BLK: variants seen among roughly 807,000 people sequenced by gnomAD.
BLK encodes BLK proto-oncogene, Src family tyrosine kinase.
A neutral mutation model predicts 61.8 loss-of-function variants in BLK; 64 were observed. The ratio of observed to expected loss-of-function variants is 1.03; its 90% CI spans 0.85 to 1.27. The LOEUF (loss-of-function observed/expected upper bound fraction) is 1.27, where lower values mean the gene tolerates loss of function less well. BLK is among the 50% of genes most tolerant of loss of function. The pLI is 0.00. For missense variants in BLK, 853 were observed against 660.5 expected (o/e 1.29, Z -3.19); for synonymous variants, 351 against 272.0 (o/e 1.29, Z -2.86).
chr8:11,536,895 C>A (rs528987932), intron 1 of BLK, among the ~76,000 whole-genome samples: 27 of 152,344 alleles, frequency 1.8e-4, no homozygotes, highest in Admixed American at 7.2e-4. Context: ...CCACTCTGAA[C>A]TGATGGAATC....
At chr8:11,543,528 A>G (rs753294161) in intron 2 of BLK, among the ~76,000 whole-genome samples, 181 bp downstream of exon 2, 9 of 152,224 alleles carry the variant, frequency 5.9e-5, no homozygotes, top group African/African-American at 1.7e-4. Context: ...TTAGCTCCCA[A>G]TAATTCTTAG....
At chr8:11,529,615 G>A (rs939955373) in intron 1 of BLK, among the ~76,000 whole-genome samples, 1 of 152,094 alleles carries the variant, frequency 6.6e-6, no homozygotes, top group Non-Finnish European at 1.5e-5. Flanking sequence ...CTAATCCTGT[G>A]GCTAATTTGT....
intron 9 of BLK, among the ~76,000 whole-genome samples, chr8:11,557,664 G>C (rs1801297643): frequency 6.6e-6 from 1 of 152,188 alleles, no homozygotes; most frequent in Admixed American, 6.5e-5. Context: ...GTCAGAACTG[G>C]GGTCCCACTC....
intron 4 of BLK, 54 bp from the exon 5 acceptor site, chr8:11,548,970 G>C (rs1219306158): frequency 2.0e-6 from 3 of 1,491,878 alleles, no homozygotes; most frequent in Non-Finnish European, 1.8e-6. Flanking sequence ...GAGCTGCCCA[G>C]TGACGGGCCT....
chr8:11,516,348 A>T (rs1799224562), intron 1 of BLK, among the ~76,000 whole-genome samples: 1 of 152,020 alleles, frequency 6.6e-6, no homozygotes, highest in African/African-American at 2.4e-5. Flanking sequence ...TGGAGACTTC[A>T]CAGACCCCGA....
Position 11,563,919 on chromosome 8 carries a change from G to C in BLK, c.1329G>C (p.Glu443Asp), listed in dbSNP as rs1323310464. The C allele has an allele frequency of 1.2e-6, 2 of 1,609,018 alleles. No individual in the cohort carries two copies. The highest frequency in any genetic ancestry group is 2.2e-5 in the East Asian group (1 of 44,856). ...CTGCCGCAGGGATGAGCAACCCCGA[G>C]GTCATCCGCAACCTGGAGCGCGGCT... Reference protein sequence around the residue: ...RVPYPGMSNPEVIRNLERGYR... With the variant: ...RVPYPGMSNPDVIRNLERGYR... The change falls in exon 13 of 13, where the codon GAG becomes GAC. Residue 443 changes from glutamate (E) to aspartate (D), a missense_variant. Coordinates refer to ENST00000259089, the MANE Select transcript of BLK (RefSeq NM_001715.3).
At chr8:11,525,655 A>T (rs1477854365) in intron 1 of BLK, among the ~76,000 whole-genome samples, 2 of 152,194 alleles carry the variant, frequency 1.3e-5, no homozygotes, top group African/African-American at 2.4e-5. Flanking sequence ...ACAGTCAGAA[A>T]AGGTATAAAC....
intron 2 of BLK, 61 bp from the exon 3 acceptor site, chr8:11,545,991 C>T: frequency 1.9e-6 from 3 of 1,575,130 alleles, no homozygotes; most frequent in South Asian, 1.1e-5. Flanking sequence ...CAGTCTCAAC[C>T]CCCAGGCCCC....
intron 1 of BLK, among the ~76,000 whole-genome samples, chr8:11,535,248 GGAAA>G (rs1365989218): frequency 5.3e-5 from 5 of 94,142 alleles, no homozygotes; most frequent in East Asian, 5.6e-4. Flanking sequence ...AAGAAGGAAA[GGAAA>G]GAAAGAAAGA....
chr8:11,563,311 T>C (rs1397873200), intron 12 of BLK, among the ~76,000 whole-genome samples: 1 of 152,208 alleles, frequency 6.6e-6, no homozygotes, highest in Admixed American at 6.5e-5. Flanking sequence ...CTGTGTCTCC[T>C]TCCTCCAGCA....
chr8:11,504,417 A>AAAGAAAAGAAAAGAAAAGAAAAG (rs1563420851), intron 1 of BLK, among the ~76,000 whole-genome samples: 1 of 139,698 alleles, frequency 7.2e-6, no homozygotes, highest in African/African-American at 2.7e-5. Context: ...AAAAGAAAAA[A>AAAGAAAAGAAAAGAAAAGAAAAG]AAAAGAAAAG....
intron 1 of BLK, chr8:11,509,155 A>C (rs1004512562): frequency 4.0e-5 from 6 of 150,380 alleles, no homozygotes; most frequent in African/African-American, 1.5e-4. Flanking sequence ...TTTAGGTTAC[A>C]CCGCACGAAA....
intron 1 of BLK, among the ~76,000 whole-genome samples, chr8:11,532,669 A>T (rs1339835445): frequency 6.6e-6 from 1 of 152,178 alleles, no homozygotes; most frequent in Non-Finnish European, 1.5e-5. Context: ...TTAAGGCACT[A>T]GTCTACTAAT....
chr8:11,530,533 C>T (rs1303450528), intron 1 of BLK, among the ~76,000 whole-genome samples: 2 of 152,220 alleles, frequency 1.3e-5, no homozygotes, highest in Admixed American at 1.3e-4. Context: ...TCTTATTGAA[C>T]TTACTCAAGT....
intron 1 of BLK, among the ~76,000 whole-genome samples, chr8:11,524,460 C>T (rs747504440): frequency 2.6e-5 from 4 of 152,104 alleles, no homozygotes; most frequent in Non-Finnish European, 4.4e-5. Context: ...TGTAAGCCAG[C>T]TCAGAAAGGA....
At chr8:11,518,173 C>T (rs1799302640) in intron 1 of BLK, among the ~76,000 whole-genome samples, 1 of 152,168 alleles carries the variant, frequency 6.6e-6, no homozygotes, top group Non-Finnish European at 1.5e-5. Context: ...TGCCAGCAGC[C>T]TGCACAGAGT....
chr8:11,561,416 G>A lies in BLK; in HGVS notation c.1144G>A (p.Ala382Thr), dbSNP rs542670447. The A allele has an allele frequency of 6.2e-7, 1 of 1,613,918 alleles. No homozygotes were observed. Among genetic ancestry groups the A allele is most frequent in the African/African-American group, 1.3e-5 (1 of 74,906 alleles). The change falls in exon 11 of 13, where the codon GCT (alanine) becomes ACT (threonine). Residue 382 changes from alanine (A) to threonine (T), a missense_variant. Physicochemically the swap from Ala to Thr is moderately conservative, Grantham distance 58. Coordinates refer to ENST00000259089, the MANE Select transcript of BLK (RefSeq NM_001715.3). ...CTGCAAAATTGCTGATTTTGGCTTG[G>A]CTCGAATCATCGACAGTGAATACAC... is the stretch of plus-strand genomic sequence containing the variant. ...LCCKIADFGL[A>T]RIIDSEYTAQ...
At chr8:11,539,574 AT>A (rs1289109877) in intron 1 of BLK, among the ~76,000 whole-genome samples, 3 of 152,210 alleles carry the variant, frequency 2.0e-5, no homozygotes, top group African/African-American at 7.2e-5. Flanking sequence ...ATCAAAAGGT[AT>A]GTGTGCTTTT....
Position 11,555,440 on chromosome 8 carries a change from T to G in BLK, c.728T>G (p.Leu243Arg). The change falls in exon 8 of 13, where the codon CTG becomes CGG. Residue 243 changes from leucine to arginine, a missense_variant. Leu to Arg is a moderately radical substitution (Grantham distance 102). Coordinates refer to ENST00000259089, the MANE Select transcript of BLK (RefSeq NM_001715.3). ...EWEIPRQSLR[L>R]VRKLGSGQFG... ...GAGATCCCCCGGCAGTCTCTCAGGCTGGTCAGGAAACTCGGGTCTGGACAA... is the reference window on the plus strand; with the variant it reads ...GAGATCCCCCGGCAGTCTCTCAGGCGGGTCAGGAAACTCGGGTCTGGACAA... The G allele has an allele frequency of 6.2e-7, 1 of 1,614,186 alleles. No individual in the cohort carries two copies. Among genetic ancestry groups the G allele is most frequent in the Non-Finnish European group, 8.5e-7 (1 of 1,180,022 alleles).
Sources: allele counts gnomAD v4.1 joint callset (sites outside exome capture counted in the v4.1 genomes callset), GRCh38; gene constraint gnomAD v4.1.1; transcripts MANE v1.5; gene names NCBI Gene and HGNC (gene_info 2026-07-23, HGNC 2026-07-21).